Variants in RERE observed in about 807,000 individuals in gnomAD.
The protein encoded by RERE is arginine-glutamic acid dipeptide repeats, also known as arginine-glutamic acid dipeptide repeats protein.
RERE carries 40 observed loss-of-function variants against 146.1 expected under a neutral mutation model. The ratio of observed to expected loss-of-function variants is 0.27; its 90% CI spans 0.21 to 0.36. RERE has a LOEUF of 0.36. Among genes scored for constraint, RERE ranks in the 10% least tolerant of loss-of-function variants. The pLI is 1.00. For synonymous variants in RERE, 1,003 were observed against 866.0 expected, an observed-to-expected ratio of 1.16 and a Z score of -2.78; for missense variants, 1,933 against 2,138.7, an observed-to-expected ratio of 0.90 and a Z score of 1.90.
At chr1:8,712,126 T>C (rs1231973322) in intron 1 of RERE, among the ~76,000 whole-genome samples, 1 of 152,160 alleles carries the variant, frequency 6.6e-6, no homozygotes, top group Non-Finnish European at 1.5e-5. Flanking sequence ...ACTCAAACAT[T>C]ATATAATACA....
At chr1:8,724,732 G>A (rs1639925388) in intron 1 of RERE, among the ~76,000 whole-genome samples, 1 of 152,000 alleles carries the variant, frequency 6.6e-6, no homozygotes, top group Non-Finnish European at 1.5e-5. Flanking sequence ...AGGAGGCTGA[G>A]GCAGGAGAAT....
At chr1:8,540,955 C>T (rs1645793364) in intron 7 of RERE, among the ~76,000 whole-genome samples, 1 of 152,162 alleles carries the variant, frequency 6.6e-6, no homozygotes, top group African/African-American at 2.4e-5. Context: ...CTTTATCCCA[C>T]CTTCTTTCAA....
intron 4 of RERE, among the ~76,000 whole-genome samples, chr1:8,604,856 T>C (rs1176001456): frequency 6.6e-6 from 1 of 152,200 alleles, no homozygotes; most frequent in Admixed American, 6.5e-5. Flanking sequence ...CACTACTACA[T>C]AAAACATCTG....
chr1:8,605,845 C>CTTTTTTTT (rs60346942), intron 4 of RERE, among the ~76,000 whole-genome samples: 14,465 of 93,038 alleles, frequency 0.16, 3,358 homozygotes, highest in South Asian at 0.2. Context: ...AAATACCAAA[C>CTTTTTTTT]TTTTTTTTTT....
chr1:8,444,716 G>T (rs945585208), intron 11 of RERE, among the ~76,000 whole-genome samples: 1 of 152,152 alleles, frequency 6.6e-6, no homozygotes. Flanking sequence ...AATAGTGAGT[G>T]AGTTCTTGCA....
chr1:8,382,469 C>T (rs568346486), intron 12 of RERE, among the ~76,000 whole-genome samples: 5 of 152,386 alleles, frequency 3.3e-5, no homozygotes, highest in Non-Finnish European at 4.4e-5. Context: ...TGAGAGAGCG[C>T]GCATGCTGGG....
intron 4 of RERE, among the ~76,000 whole-genome samples, chr1:8,562,652 A>AT (rs1228918081): frequency 6.6e-6 from 1 of 152,104 alleles, no homozygotes; most frequent in African/African-American, 2.4e-5. Flanking sequence ...AATTTTTAAA[A>AT]TTTTTTTGTA....
chr1:8,451,014 AC>A (rs1317307321), intron 11 of RERE, among the ~76,000 whole-genome samples: 1 of 151,764 alleles, frequency 6.6e-6, no homozygotes, highest in Non-Finnish European at 1.5e-5. Context: ...AGCTACCATG[AC>A]CCCCACAACA....
intron 3 of RERE, among the ~76,000 whole-genome samples, chr1:8,624,019 C>A (rs1181048259): frequency 1.3e-5 from 2 of 152,178 alleles, no homozygotes; most frequent in East Asian, 1.9e-4. Context: ...TGAGAAGAAA[C>A]AAGCTACTTC....
intron 12 of RERE, among the ~76,000 whole-genome samples, chr1:8,418,830 C>T (rs972407580): frequency 6.6e-6 from 1 of 152,144 alleles, no homozygotes; most frequent in African/African-American, 2.4e-5. Flanking sequence ...TCAGGCATTA[C>T]CTTAACATCA....
intron 11 of RERE, among the ~76,000 whole-genome samples, chr1:8,460,648 A>G (rs1388484427): frequency 6.6e-6 from 1 of 152,238 alleles, no homozygotes; most frequent in Non-Finnish European, 1.5e-5. Flanking sequence ...AAAATATTTA[A>G]TGGGTAGTGT....
chr1:8,686,314 C>A (rs906044538), intron 1 of RERE, among the ~76,000 whole-genome samples: 5 of 152,122 alleles, frequency 3.3e-5, no homozygotes, highest in African/African-American at 4.8e-5. Flanking sequence ...GCCATGCATC[C>A]TAGGGAATTA....
chr1:8,755,168 G>C (rs559211735), intron 1 of RERE, among the ~76,000 whole-genome samples: 1 of 152,204 alleles, frequency 6.6e-6, no homozygotes, highest in Non-Finnish European at 1.5e-5. Flanking sequence ...ATAAAAGGCG[G>C]CTGACTGTCT....
intron 3 of RERE, among the ~76,000 whole-genome samples, chr1:8,617,973 A>G (rs1027467029): frequency 1.8e-4 from 27 of 152,204 alleles, no homozygotes; most frequent in Admixed American, 5.2e-4. Flanking sequence ...TGGCTTGTTT[A>G]AGAGAATGTT....
intron 1 of RERE, among the ~76,000 whole-genome samples, chr1:8,771,128 G>C (rs908763174): frequency 7.2e-5 from 11 of 151,902 alleles, no homozygotes; most frequent in African/African-American, 2.4e-4. Flanking sequence ...CCACCTGCTG[G>C]GGGGGGAAAA....
chr1:8,802,714 T>C (rs1282033001), intron 1 of RERE, among the ~76,000 whole-genome samples: 12 of 152,202 alleles, frequency 7.9e-5, no homozygotes, highest in Admixed American at 7.9e-4. Context: ...AAAATCATCA[T>C]GGGCACAATC....
chr1:8,694,005 C>A, intron 1 of RERE, among the ~76,000 whole-genome samples: 1 of 139,904 alleles, frequency 7.1e-6, no homozygotes, highest in African/African-American at 2.7e-5. Flanking sequence ...GTTAGCAAAA[C>A]TGAACAACAC....
chr1:8,595,315 TTAAC>T (rs1167818494), intron 4 of RERE, among the ~76,000 whole-genome samples: 1 of 152,092 alleles, frequency 6.6e-6, no homozygotes, highest in Non-Finnish European at 1.5e-5. Flanking sequence ...ATATCCATAC[TTAAC>T]TGTTAAATAT....
intron 10 of RERE, among the ~76,000 whole-genome samples, chr1:8,476,965 C>A (rs948332571): frequency 3.9e-5 from 6 of 151,972 alleles, no homozygotes; most frequent in African/African-American, 1.5e-4. Flanking sequence ...AATAAAAAAA[C>A]AATAAAACCA....
Sources: gnomAD v4.1 joint callset for allele counts (sites outside exome capture counted in the v4.1 genomes callset) on GRCh38, gnomAD v4.1.1 for gene constraint, MANE v1.5 for transcripts, NCBI Gene and HGNC (gene_info 2026-07-23, HGNC 2026-07-21) for gene names.